Variants in BMX observed in about 807,000 individuals in gnomAD.
The protein encoded by BMX is cytoplasmic tyrosine-protein kinase BMX.
Under a neutral mutation model 59.2 loss-of-function variants are expected in BMX, and 31 were observed. The ratio of observed to expected loss-of-function variants is 0.52; its 90% CI spans 0.39 to 0.71. The LOEUF (loss-of-function observed/expected upper bound fraction) is 0.71. Ranked by LOEUF, BMX falls within the 30% of genes least tolerant of loss-of-function variation. BMX has a pLI of 0.00. For synonymous variants in BMX, 185 were observed against 181.0 expected (o/e 1.02, Z -0.18); for missense variants, 474 against 491.7 (o/e 0.96, Z 0.34).
chrX:15,516,625 C>T (rs1304852202), intron 5 of BMX, among the ~76,000 whole-genome samples: 1 of 109,592 alleles, frequency 9.1e-6, no homozygotes, highest in Non-Finnish European at 1.9e-5. Context: ...AAAACCAGCT[C>T]GCTCTTCGTA....
chrX:15,504,509 G>A (rs748486280), intron 1 of BMX, among the ~76,000 whole-genome samples: 3 of 111,653 alleles, frequency 2.7e-5, no homozygotes, highest in South Asian at 3.7e-4. Flanking sequence ...TCAGGGCCAC[G>A]GACAGCTGAT....
At position 15,531,329 on chromosome X, in the gene BMX, G is replaced by A. The variant is rs751992510; in HGVS notation, c.941G>A (p.Gly314Glu). ...TTCTATATTTTCCTTCCTTTTCAGGGAAAAGAAGGAGCATTTATGGTTAGA... is the reference window on the plus strand; with the variant it reads ...TTCTATATTTTCCTTCCTTTTCAGGAAAAAGAAGGAGCATTTATGGTTAGA... ...SQSEQLLRQK[G>E]KEGAFMVRNS... The change falls in exon 11 of 19, where the codon GGA becomes GAA. Residue 314 changes from glycine (G) to glutamate (E), a missense_variant and splice_region_variant. Gly to Glu is a moderately conservative substitution (Grantham distance 98, BLOSUM62 -2). Transcript: ENST00000348343. The A allele has an allele frequency of 3.3e-6, 4 of 1,197,737 alleles. No homozygotes were observed. In the South Asian group the frequency reaches 7.2e-5, roughly 21 times the overall value.
At chrX:15,550,771 T>C (rs1192452926) in intron 18 of BMX, among the ~76,000 whole-genome samples, 1 of 109,088 alleles carries the variant, frequency 9.2e-6, no homozygotes, top group Non-Finnish European at 1.9e-5. Context: ...AAAGACAAGG[T>C]TTTTGCCATA....
In BMX at chrX:15,556,360, T is replaced by A; in HGVS notation, c.*213T>A. The A allele has an allele frequency of 6.0e-6, 2 of 333,123 alleles. No individual in the cohort carries two copies. Among genetic ancestry groups the A allele is most frequent in the Admixed American group, 5.5e-5 (1 of 18,023 alleles). 27.5% of individuals were successfully genotyped at this position (333,123 alleles called of 1,213,427 possible). ...AATTTTGTTTATGCTGCTCCTGATATAACACTTTCCAGCCTATAGCAGAAG... is the reference window on the plus strand; with the variant it reads ...AATTTTGTTTATGCTGCTCCTGATAAAACACTTTCCAGCCTATAGCAGAAG... On this transcript the variant is annotated 3_prime_UTR_variant, in exon 19 of 19. Coordinates refer to ENST00000348343, the MANE Select transcript of BMX (RefSeq NM_203281.3).
In BMX at chrX:15,522,424, G is replaced by A. The variant is rs746245000; in HGVS notation, c.589G>A (p.Glu197Lys). 6 of 1,211,807 alleles carry A rather than the reference G, an allele frequency of 5.0e-6. No individual in the cohort carries two copies. In the South Asian group the frequency reaches 5.3e-5, roughly 11 times the overall value. Residue 197 changes from glutamate (E) to lysine (K), a missense_variant, in exon 7 of 19, where the codon GAA (glutamate) becomes AAA (lysine). Glu to Lys is a moderately conservative substitution (Grantham distance 56). Coordinates refer to ENST00000348343, the MANE Select transcript of BMX (RefSeq NM_203281.3). ...TACCACTCTAGCCCAATATGACAAC[G>A]AATCAAAGAAAAACTATGGCTCCCA... is the stretch of plus-strand genomic sequence containing the variant. ...SSTTLAQYDN[E>K]SKKNYGSQPP...
At chrX:15,548,589 G>A (rs1263312707) in intron 17 of BMX, among the ~76,000 whole-genome samples, 1 of 111,904 alleles carries the variant, frequency 8.9e-6, no homozygotes, top group African/African-American at 3.3e-5. Context: ...TTTACCGTAT[G>A]CCATAGAAGT....
intron 18 of BMX, among the ~76,000 whole-genome samples, chrX:15,554,015 C>CT (rs969576977): frequency 1.8e-5 from 2 of 112,283 alleles, no homozygotes; most frequent in Non-Finnish European, 3.8e-5. Flanking sequence ...GTTTTCCCTC[C>CT]TTTTTTAGAT....
At chrX:15,542,983 T>C (rs1179956339) in intron 15 of BMX, 88 bp from the exon 16 acceptor site, 2 of 905,286 alleles carry the variant, frequency 2.2e-6, no homozygotes, top group East Asian at 6.3e-5. Flanking sequence ...AATCTTAGAT[T>C]TTGCTGAGAA....
chrX:15,515,955 G>T (rs1924136195), intron 4 of BMX, among the ~76,000 whole-genome samples, 157 bp from the exon 5 acceptor site: 1 of 112,171 alleles, frequency 8.9e-6, no homozygotes, highest in South Asian at 3.7e-4. Flanking sequence ...ATTAACTGTT[G>T]AGTGAAAGAC....
At chrX:15,507,727 T>C (rs1431102219) in intron 1 of BMX, among the ~76,000 whole-genome samples, 1 of 112,255 alleles carries the variant, frequency 8.9e-6, no homozygotes, top group Admixed American at 9.5e-5. Flanking sequence ...TTCTTTTAAA[T>C]CTCTTTTGAT....
chrX:15,509,554 A>G (rs890111865), intron 3 of BMX, 121 bp downstream of exon 3: 5 of 508,948 alleles, frequency 9.8e-6, no homozygotes, highest in East Asian at 9.0e-5. Flanking sequence ...GGCTTGGAAT[A>G]TTCCCACATG....
intron 4 of BMX, among the ~76,000 whole-genome samples, chrX:15,513,990 G>GATATATGA (rs1188465486): frequency 8.9e-6 from 1 of 111,926 alleles, no homozygotes; most frequent in Non-Finnish European, 1.9e-5. Context: ...AAGTCCTATG[G>GATATATGA]ATATATGAAT....
In BMX at chrX:15,546,880, A is replaced by G; in HGVS notation, c.1754A>G (p.His585Arg). 5 of 1,210,662 alleles carry G rather than the reference A, an allele frequency of 4.1e-6. No homozygotes were observed. The highest frequency in any genetic ancestry group is 5.6e-6 in the Non-Finnish European group (5 of 894,690). Residue 585 changes from histidine to arginine, a missense_variant, in exon 17 of 19, where the codon CAT becomes CGT. Coordinates refer to ENST00000348343, the MANE Select transcript of BMX (RefSeq NM_203281.3). Reference sequence around the variant, plus strand: ...AAGTGGTCAGCTCCAGAGGTGTTTCATTACTTCAAATACAGCAGCAAGTCA... The same window carrying G: ...AAGTGGTCAGCTCCAGAGGTGTTTCGTTACTTCAAATACAGCAGCAAGTCA... ...PVKWSAPEVF[H>R]YFKYSSKSDV...
chrX:15,502,935 T>A (rs972700951), intron 1 of BMX, among the ~76,000 whole-genome samples: 2 of 111,402 alleles, frequency 1.8e-5, no homozygotes, highest in South Asian at 7.5e-4. Context: ...TTTCCCACCC[T>A]TCCTGCTCTA....
chrX:15,509,565 G>T (rs1165291645), intron 3 of BMX, 132 bp downstream of exon 3: 5 of 461,401 alleles, frequency 1.1e-5, no homozygotes, highest in Non-Finnish European at 1.7e-5. Context: ...TTCCCACATG[G>T]GAGTTGGGCA....
chrX:15,532,334 T>G (rs761012553), intron 11 of BMX, among the ~76,000 whole-genome samples: 7 of 110,962 alleles, frequency 6.3e-5, no homozygotes, highest in Non-Finnish European at 1.3e-4. Context: ...TTTTTCCTTC[T>G]AATCGTCCTC....
chrX:15,528,353 A>C (rs1194181322), intron 9 of BMX, among the ~76,000 whole-genome samples: 1 of 112,164 alleles, frequency 8.9e-6, no homozygotes, highest in Non-Finnish European at 1.9e-5. Flanking sequence ...TTTAGATAGA[A>C]AATCGTGTGT....
At chrX:15,501,880 C>T (rs1218485907) in intron 1 of BMX, among the ~76,000 whole-genome samples, 3 of 111,925 alleles carry the variant, frequency 2.7e-5, no homozygotes, top group Non-Finnish European at 5.6e-5. Flanking sequence ...CATGGCAATA[C>T]ATGAGGAGGT....
chrX:15,526,865 C>T (rs1046899863), intron 9 of BMX, among the ~76,000 whole-genome samples: 3 of 110,708 alleles, frequency 2.7e-5, no homozygotes, highest in Admixed American at 9.6e-5. Flanking sequence ...GGATTACAGG[C>T]GTGAGCCACC....
Sources: allele counts gnomAD v4.1 joint callset (sites outside exome capture counted in the v4.1 genomes callset), GRCh38; gene constraint gnomAD v4.1.1; transcripts MANE v1.5; gene names NCBI Gene and HGNC (gene_info 2026-07-23, HGNC 2026-07-21).